The following PSTPIP2 variants were observed in gnomAD, a reference collection of about 807,000 sequenced individuals.
PSTPIP2 encodes the protein proline-serine-threonine phosphatase interacting protein 2.
In PSTPIP2, 33 loss-of-function variants were observed where a neutral mutation model predicts 63.3. The observed-to-expected ratio is 0.52, with a 90% CI of 0.40 to 0.70. PSTPIP2 has a LOEUF of 0.70. PSTPIP2 is among the 30% of genes least tolerant of loss of function. The pLI is 0.00. For missense variants in PSTPIP2, 312 were observed against 400.7 expected (o/e 0.78, Z 1.89); for synonymous variants, 125 against 132.7 (o/e 0.94, Z 0.40).
At chr18:45,996,310 C>G (rs756249407) in intron 9 of PSTPIP2, among the ~76,000 whole-genome samples, 3 of 152,214 alleles carry the variant, frequency 2.0e-5, no homozygotes, top group Non-Finnish European at 4.4e-5. Context: ...GTCAATGATT[C>G]TTATACTTGA....
Position 46,018,529 on chromosome 18 carries a change from C to T in PSTPIP2, c.213-2592G>A, listed in dbSNP as rs113748382. The stretch of plus-strand genomic sequence containing the variant: ...GATTACAGGTGCCCACCACCACGCC[C>T]AGCTAATTTTTGTATTTTTAGTAGA... On this transcript the variant is annotated intron_variant, in intron 3 of 14. Transcript: ENST00000409746. Among the ~76,000 whole-genome samples, 812 of 152,140 alleles carry T rather than the reference C, an allele frequency of 5.3e-3. 9 individuals are homozygous for T. The highest frequency in any genetic ancestry group is 0.012 in the African/African-American group (483 of 41,502).
intron 1 of PSTPIP2, among the ~76,000 whole-genome samples, chr18:46,064,282 CTTTTTTTTTTTTT>C (rs56236802): frequency 2.1e-4 from 15 of 71,526 alleles, no homozygotes; most frequent in African/African-American, 9.1e-4. Context: ...CTTTTTCTTT[CTTTTTTTTTTTTT>C]TTTTTTTTTT....
intron 2 of PSTPIP2, 44 bp from the exon 3 acceptor site, chr18:46,024,730 A>G: frequency 6.6e-7 from 1 of 1,510,708 alleles, no homozygotes; most frequent in Non-Finnish European, 9.2e-7. Context: ...CTCAGAGCTG[A>G]CTCTTTGTTA....
At chr18:46,070,437 G>A (rs1038082355) in intron 1 of PSTPIP2, among the ~76,000 whole-genome samples, 3 of 151,748 alleles carry the variant, frequency 2.0e-5, no homozygotes, top group Non-Finnish European at 3.0e-5. Context: ...GGGGCTTAGC[G>A]CCCGCCTGGC....
intron 10 of PSTPIP2, among the ~76,000 whole-genome samples, chr18:45,992,566 AAAAAAAAC>A (rs1555686420): frequency 2.0e-5 from 3 of 151,600 alleles, no homozygotes; most frequent in Non-Finnish European, 4.4e-5. Flanking sequence ...CCGTCTCAAA[AAAAAAAAC>A]AAAAAAACAA....
chr18:46,045,681 A>G (rs1343752017), intron 1 of PSTPIP2, among the ~76,000 whole-genome samples: 1 of 152,108 alleles, frequency 6.6e-6, no homozygotes. Flanking sequence ...GTAAATAAAT[A>G]AATAAATAAA....
chr18:46,046,419 G>A (rs1178911028), intron 1 of PSTPIP2, among the ~76,000 whole-genome samples: 1 of 152,262 alleles, frequency 6.6e-6, no homozygotes, highest in African/African-American at 2.4e-5. Context: ...TATAGACATG[G>A]GCTCCAGGGA....
intron 1 of PSTPIP2, among the ~76,000 whole-genome samples, chr18:46,056,364 C>A (rs567975268): frequency 6.6e-6 from 1 of 152,332 alleles, no homozygotes; most frequent in African/African-American, 2.4e-5. Context: ...CCTCCAGGGC[C>A]CCTACTAGGA....
chr18:46,066,346 A>T (rs932966350), intron 1 of PSTPIP2, among the ~76,000 whole-genome samples: 1 of 152,190 alleles, frequency 6.6e-6, no homozygotes, highest in East Asian at 1.9e-4. Context: ...TAATTTAATT[A>T]AATTAAAACT....
At chr18:45,988,806 T>C in intron 13 of PSTPIP2, 47 bp from the exon 14 acceptor site, 4 of 1,443,140 alleles carry the variant, frequency 2.8e-6, no homozygotes, top group Non-Finnish European at 3.9e-6. Flanking sequence ...CAATTTTTCA[T>C]AATAAGATCT....
Position 45,985,370 on chromosome 18 carries a change from G to A in PSTPIP2, c.*89C>T. 6.4e-7 allele frequency: 1 copy of A among 1,554,314 alleles called. No homozygotes were observed. The highest frequency in any genetic ancestry group is 8.8e-7 in the Non-Finnish European group (1 of 1,138,536). ...GGTTCACTTCAAAGTCTTCATTGCT[G>A]ACATAACGTGGCTATAGGTCCTGCT... On this transcript the variant is annotated 3_prime_UTR_variant, in exon 15 of 15. Coordinates refer to ENST00000409746, the MANE Select transcript of PSTPIP2 (RefSeq NM_024430.4).
intron 3 of PSTPIP2, 133 bp from the exon 4 acceptor site, chr18:46,016,070 A>G: frequency 1.0e-6 from 1 of 968,040 alleles, no homozygotes; most frequent in Non-Finnish European, 1.6e-6. Flanking sequence ...CCCATGAGCT[A>G]GAGAGACAGC....
chr18:46,046,681 A>G (rs1599739310), intron 1 of PSTPIP2, among the ~76,000 whole-genome samples: 1 of 152,264 alleles, frequency 6.6e-6, no homozygotes, highest in East Asian at 1.9e-4. Context: ...GAAAATAAAG[A>G]ACACTAGAGA....
At chr18:46,007,121 C>G (rs1171855899) in intron 5 of PSTPIP2, among the ~76,000 whole-genome samples, 1 of 152,178 alleles carries the variant, frequency 6.6e-6, no homozygotes, top group Non-Finnish European at 1.5e-5. Context: ...AATGATATAA[C>G]ATTGAAAATA....
intron 1 of PSTPIP2, among the ~76,000 whole-genome samples, chr18:46,063,278 T>C (rs1331397311): frequency 6.6e-6 from 1 of 152,150 alleles, no homozygotes; most frequent in Non-Finnish European, 1.5e-5. Flanking sequence ...GTACTAGGAT[T>C]ATAGGCATGA....
chr18:46,008,021 T>C lies in PSTPIP2; in HGVS notation c.355-2490A>G, dbSNP rs8099110. On this transcript the variant is annotated intron_variant, in intron 5 of 14. Transcript: ENST00000409746. ...TTCACTTATGGGGTGACATTTGTGG[T>C]GACCCCAGTGAGCCAAAGGTGCCCT... is the stretch of plus-strand genomic sequence containing the variant. 5.1e-3 allele frequency among the ~76,000 whole-genome samples: 783 copies of C among 152,330 alleles called. 6 individuals carry two copies. The highest frequency in any genetic ancestry group is 0.014 in the Middle Eastern group (4 of 294).
chr18:46,013,229 C>T (rs192702530), intron 4 of PSTPIP2, among the ~76,000 whole-genome samples: 29 of 152,210 alleles, frequency 1.9e-4, no homozygotes, highest in African/African-American at 5.3e-4. Flanking sequence ...ATATAAGGAA[C>T]GTGAAAAGTT....
chr18:46,037,138 AT>A (rs1908010850), intron 2 of PSTPIP2, among the ~76,000 whole-genome samples: 1 of 151,902 alleles, frequency 6.6e-6, no homozygotes, highest in East Asian at 1.9e-4. Flanking sequence ...TGTACATGTA[AT>A]TTTTGTTTGT....
intron 2 of PSTPIP2, among the ~76,000 whole-genome samples, chr18:46,030,716 G>A (rs1907759891): frequency 6.6e-6 from 1 of 152,230 alleles, no homozygotes; most frequent in South Asian, 2.1e-4. Context: ...AGGGTAGGAA[G>A]GGGGTTGGTA....
Sources: allele counts gnomAD v4.1 joint callset (sites outside exome capture counted in the v4.1 genomes callset), GRCh38; gene constraint gnomAD v4.1.1; transcripts MANE v1.5; gene names NCBI Gene and HGNC (gene_info 2026-07-23, HGNC 2026-07-21).